Variants in DUSP5 observed in about 807,000 individuals in gnomAD.
DUSP5 encodes the protein dual specificity protein phosphatase 5.
DUSP5 carries 22 observed loss-of-function variants against 33.6 expected under a neutral mutation model. The ratio of observed to expected loss-of-function variants is 0.66; its 90% confidence interval spans 0.47 to 0.94. The LOEUF (loss-of-function observed/expected upper bound fraction) is 0.94. Among genes scored for constraint, DUSP5 ranks in the 40% least tolerant of loss-of-function variants. DUSP5 has a pLI of 0.00. For missense variants in DUSP5, 551 were observed against 522.1 expected (o/e 1.06, Z -0.54); for synonymous variants, 270 against 231.1 (o/e 1.17, Z -1.53).
chr10:110,500,531 C>G (rs1332767964), intron 1 of DUSP5, among the ~76,000 whole-genome samples: 1 of 152,234 alleles, frequency 6.6e-6, no homozygotes, highest in Non-Finnish European at 1.5e-5. Flanking sequence ...AATCTGGTGG[C>G]ATCTCAGATC....
chr10:110,502,146 C>G (rs562961923), intron 1 of DUSP5, among the ~76,000 whole-genome samples: 1 of 96,546 alleles, frequency 1.0e-5, no homozygotes, highest in South Asian at 4.6e-4. Flanking sequence ...CAAATTGGAC[C>G]TAGAAAGGAT....
At chr10:110,506,071 G>A (rs778863261) in intron 2 of DUSP5, among the ~76,000 whole-genome samples, 14 of 152,116 alleles carry the variant, frequency 9.2e-5, no homozygotes, top group Non-Finnish European at 1.8e-4. Flanking sequence ...GGAGGTGGAG[G>A]TGCATTTTAA....
rs1219562201 is a variant in DUSP5 at position 110,510,561 on chromosome 10, A to T, written c.*135A>T. 4 of 1,256,468 alleles carry T rather than the reference A, an allele frequency of 3.2e-6. No homozygotes were observed. The highest frequency in any genetic ancestry group is 4.3e-6 in the Non-Finnish European group (4 of 938,692). 77.8% of individuals were successfully genotyped at this position (1,256,468 alleles called of 1,614,324 possible). On this transcript the variant is annotated 3_prime_UTR_variant, in exon 4 of 4. Transcript: ENST00000369583. Reference sequence around the variant, plus strand: ...TGCCCCAGTGAGATAGTGAGTGGTCACCAGGCTTGCAAATGAACTTCAGAC... The same window carrying T: ...TGCCCCAGTGAGATAGTGAGTGGTCTCCAGGCTTGCAAATGAACTTCAGAC...
chr10:110,498,199 C>G lies in DUSP5; in HGVS notation c.78C>G (p.Leu26=). The change falls in exon 1 of 4, where the codon CTC becomes CTG. Residue 26 remains leucine, a synonymous_variant. Coordinates refer to ENST00000369583, the MANE Select transcript of DUSP5 (RefSeq NM_004419.4). ...RKEAAARCVV[L]DCRPYLAFAA... ...AGGCGGCGGCGCGCTGCGTGGTGCT[C>G]GACTGCCGGCCCTATCTGGCCTTCG... 1 of 1,504,210 alleles carries G rather than the reference C, an allele frequency of 6.6e-7. No individual in the cohort carries two copies. The highest frequency in any genetic ancestry group is 8.9e-7 in the Non-Finnish European group (1 of 1,126,234). The allele number at this position is 1,504,210 out of a possible 1,614,324, so 93.2% of individuals were successfully genotyped here.
At chr10:110,504,430 G>T (rs1284550265) in intron 2 of DUSP5, among the ~76,000 whole-genome samples, 1 of 152,224 alleles carries the variant, frequency 6.6e-6, no homozygotes, top group Non-Finnish European at 1.5e-5. Context: ...GGTGTGTTGG[G>T]CTGAGCTCCA....
At position 110,505,381 on chromosome 10, in the gene DUSP5, T is replaced by TA. The variant is rs1252215616; in HGVS notation, c.529-1552dup. 1.1e-3 allele frequency among the ~76,000 whole-genome samples: 161 copies of TA among 152,258 alleles called. 1 individual carries two copies. Among genetic ancestry groups the TA allele is most frequent in the Non-Finnish European group, 1.0e-4 (7 of 68,044 alleles). On this transcript the variant is annotated intron_variant, in intron 2 of 3. Coordinates refer to ENST00000369583, the MANE Select transcript of DUSP5 (RefSeq NM_004419.4). ...TATGATGTAGGCACATCTAAAGGGT[T>TA]AAGCCCCCAGAGGCCAGCCATAGTA...
chr10:110,502,529 A>G (rs1860066547), intron 1 of DUSP5, among the ~76,000 whole-genome samples, 192 bp from the exon 2 acceptor site: 1 of 152,182 alleles, frequency 6.6e-6, no homozygotes, highest in Non-Finnish European at 1.5e-5. Flanking sequence ...AGAGGTTTGT[A>G]TGTGTGTACA....
intron 2 of DUSP5, among the ~76,000 whole-genome samples, chr10:110,504,202 G>A (rs887795297): frequency 6.6e-6 from 1 of 152,236 alleles, no homozygotes; most frequent in Admixed American, 6.5e-5. Context: ...AGAATGTTGC[G>A]AAAGCACGGC....
At chr10:110,509,956 G>A in intron 3 of DUSP5, 64 bp from the exon 4 acceptor site, 4 of 1,521,092 alleles carry the variant, frequency 2.6e-6, no homozygotes, top group African/African-American at 1.4e-5. Flanking sequence ...TTTGATTCTT[G>A]TGTTTTGCCA....
intron 2 of DUSP5, among the ~76,000 whole-genome samples, chr10:110,504,063 C>T (rs201823496): frequency 1.3e-5 from 2 of 152,350 alleles, no homozygotes; most frequent in East Asian, 3.9e-4. Flanking sequence ...AACATCCTTA[C>T]AGTATATGAC....
intron 2 of DUSP5, 114 bp from the exon 3 acceptor site, chr10:110,506,821 A>G (rs2134662665): frequency 8.5e-7 from 1 of 1,175,290 alleles, no homozygotes; most frequent in South Asian, 1.4e-5. Context: ...CCACTTGGAA[A>G]CCAGAAAGGG....
intron 1 of DUSP5, among the ~76,000 whole-genome samples, chr10:110,499,894 C>A (rs1430248414): frequency 6.6e-6 from 1 of 152,212 alleles, no homozygotes; most frequent in Non-Finnish European, 1.5e-5. Flanking sequence ...CCTCTCCTCC[C>A]CATGCTTCTC....
rs371452776 is a variant in DUSP5 at position 110,507,031 on chromosome 10, C to G, written c.625C>G (p.Leu209Val). ...FLANLHITAL[L>V]NVSRRTSEAC... ...CGCCAACCTGCACATCACAGCCCTGCTGAATGTCTCCCGACGGACCTCCGA... is the reference window on the plus strand; with the variant it reads ...CGCCAACCTGCACATCACAGCCCTGGTGAATGTCTCCCGACGGACCTCCGA... The change falls in exon 3 of 4, where the codon CTG (leucine) becomes GTG (valine). Residue 209 changes from leucine (L) to valine (V), a missense_variant. Transcript: ENST00000369583. 1 of 1,614,272 alleles carries G rather than the reference C, an allele frequency of 6.2e-7. No homozygotes were observed. The highest frequency in any genetic ancestry group is 8.5e-7 in the Non-Finnish European group (1 of 1,180,050).
chr10:110,508,043 T>G (rs1860139920), intron 3 of DUSP5, among the ~76,000 whole-genome samples: 1 of 152,232 alleles, frequency 6.6e-6, no homozygotes, highest in African/African-American at 2.4e-5. Flanking sequence ...CCAAGGGATG[T>G]TGGAGGAGGA....
intron 1 of DUSP5, among the ~76,000 whole-genome samples, chr10:110,502,304 T>G (rs978812080): frequency 6.6e-6 from 1 of 152,208 alleles, no homozygotes; most frequent in Non-Finnish European, 1.5e-5. Flanking sequence ...GCAGATGGGC[T>G]GGGGAAGAAG....
At chr10:110,505,134 C>T (rs1025088375) in intron 2 of DUSP5, among the ~76,000 whole-genome samples, 1 of 152,210 alleles carries the variant, frequency 6.6e-6, no homozygotes, top group African/African-American at 2.4e-5. Context: ...TTTTTTCCTT[C>T]CTGTCTTTAC....
rs1474170958 is a variant in DUSP5, at chr10:110,510,243, C to T, written c.972C>T (p.Pro324=). The change falls in exon 4 of 4, where the codon CCC becomes CCT. Residue 324 remains proline, a synonymous_variant. Coordinates refer to ENST00000369583, the MANE Select transcript of DUSP5 (RefSeq NM_004419.4). ...ESEILPSTPN[P]QPPSCQGEAA... ...AGATCCTGCCCTCCACGCCCAACCCCCAGCCTCCCTCCTGCCAAGGGGAGG... is the reference window on the plus strand; with the variant it reads ...AGATCCTGCCCTCCACGCCCAACCCTCAGCCTCCCTCCTGCCAAGGGGAGG... 4 of 1,614,178 alleles carry T rather than the reference C, an allele frequency of 2.5e-6. No individual in the cohort carries two copies. The highest frequency in any genetic ancestry group is 1.1e-5 in the South Asian group (1 of 91,084).
At chr10:110,503,882 A>G (rs1590516957) in intron 2 of DUSP5, among the ~76,000 whole-genome samples, 1 of 152,254 alleles carries the variant, frequency 6.6e-6, no homozygotes, top group Non-Finnish European at 1.5e-5. Flanking sequence ...CATAAGAAGA[A>G]AGATTGCTAG....
At position 110,498,196 on chromosome 10, in the gene DUSP5, G is replaced by A; in HGVS notation, c.75G>A (p.Val25=). 3 of 1,504,664 alleles carry A rather than the reference G, an allele frequency of 2.0e-6. No homozygotes were observed. Among genetic ancestry groups the A allele is most frequent in the Non-Finnish European group, 1.8e-6 (2 of 1,126,494 alleles). 93.2% of individuals were successfully genotyped at this position (1,504,664 alleles called of 1,614,324 possible). The change falls in exon 1 of 4, where the codon GTG becomes GTA. Residue 25 remains valine, a synonymous_variant. Transcript: ENST00000369583. ...AGGAGGCGGCGGCGCGCTGCGTGGT[G>A]CTCGACTGCCGGCCCTATCTGGCCT... is the stretch of plus-strand genomic sequence containing the variant. The part of the protein sequence containing the change: ...LRKEAAARCV[V]LDCRPYLAFA...
Sources: allele counts gnomAD v4.1 joint callset (sites outside exome capture counted in the v4.1 genomes callset), GRCh38; gene constraint gnomAD v4.1.1; transcripts MANE v1.5; gene names NCBI Gene and HGNC (gene_info 2026-07-23, HGNC 2026-07-21).